Variants in ARHGAP26 observed in about 807,000 individuals in gnomAD.
ARHGAP26 encodes the protein Rho GTPase activating protein 26.
ARHGAP26 carries 38 observed loss-of-function variants against 104.8 expected under a neutral mutation model. That is an observed-to-expected ratio of 0.36 (90% CI 0.28 to 0.48). The LOEUF is 0.48. Ranked by LOEUF, ARHGAP26 falls within the 20% of genes least tolerant of loss-of-function variation. The pLI is 0.99. For synonymous variants in ARHGAP26, 341 were observed against 340.0 expected, an observed-to-expected ratio of 1.00 and a Z score of -0.03; for missense variants, 704 against 947.9, an observed-to-expected ratio of 0.74 and a Z score of 3.38.
chr5:143,085,014 C>A (rs59962768), intron 17 of ARHGAP26, among the ~76,000 whole-genome samples: 3 of 142,692 alleles, frequency 2.1e-5, no homozygotes, highest in African/African-American at 7.9e-5. Flanking sequence ...CACTGCACTC[C>A]AGCCTGGGCA....
chr5:142,997,165 C>T (rs1276124147), intron 11 of ARHGAP26, among the ~76,000 whole-genome samples: 1 of 151,854 alleles, frequency 6.6e-6, no homozygotes, highest in East Asian at 1.9e-4. Flanking sequence ...TATATATATA[C>T]ACACACGTAT....
At chr5:143,191,773 A>C (rs1385567854) in intron 20 of ARHGAP26, among the ~76,000 whole-genome samples, 1 of 152,210 alleles carries the variant, frequency 6.6e-6, no homozygotes, top group Non-Finnish European at 1.5e-5. Context: ...ACAGGCATTC[A>C]TCCAAGTTTA....
intron 5 of ARHGAP26, among the ~76,000 whole-genome samples, chr5:142,888,269 A>G (rs1244499348): frequency 6.6e-6 from 1 of 152,102 alleles, no homozygotes; most frequent in Non-Finnish European, 1.5e-5. Flanking sequence ...CCCTTCACCC[A>G]GTTTGCTTTT....
At chr5:142,908,729 G>T in intron 9 of ARHGAP26, 1 of 166,960 alleles carries the variant, frequency 6.0e-6, no homozygotes. Context: ...CTCATTGTAG[G>T]AAAAGCACGT....
chr5:143,022,091 A>G (rs1253332910), intron 12 of ARHGAP26, among the ~76,000 whole-genome samples: 1 of 151,802 alleles, frequency 6.6e-6, no homozygotes, highest in Non-Finnish European at 1.5e-5. Flanking sequence ...TATTTCATTT[A>G]TTTTTTTGAG....
At chr5:142,880,031 T>C (rs531256187) in intron 4 of ARHGAP26, among the ~76,000 whole-genome samples, 2 of 152,308 alleles carry the variant, frequency 1.3e-5, no homozygotes, top group South Asian at 4.1e-4. Flanking sequence ...TTTTAAAATA[T>C]ATATTACCCA....
At chr5:142,922,744 A>T (rs1206780291) in intron 10 of ARHGAP26, among the ~76,000 whole-genome samples, 2 of 152,170 alleles carry the variant, frequency 1.3e-5, no homozygotes, top group Non-Finnish European at 2.9e-5. Flanking sequence ...TGGCAGTCCT[A>T]CTTTTCCCTC....
intron 17 of ARHGAP26, among the ~76,000 whole-genome samples, chr5:143,115,937 C>T (rs1262912197): frequency 6.6e-6 from 1 of 152,132 alleles, no homozygotes; most frequent in Non-Finnish European, 1.5e-5. Flanking sequence ...AGCAGTATTT[C>T]TCAAATAGTA....
chr5:142,864,119 C>T (rs1395773526), intron 1 of ARHGAP26, among the ~76,000 whole-genome samples: 2 of 152,136 alleles, frequency 1.3e-5, no homozygotes, highest in African/African-American at 4.8e-5. Context: ...TTCACCACCC[C>T]CTCCCCTTTC....
rs191500124 is a variant in ARHGAP26, at chr5:143,079,762, T to A, written c.1538+22015T>A. On this transcript the variant is annotated intron_variant, in intron 17 of 22. Coordinates refer to ENST00000645722, the MANE Select transcript of ARHGAP26 (RefSeq NM_001135608.3). ...CCCTATAGCCTTAGCATGGTAACATTGGTGGAAATTGATCCAGTGGTGCAG... is the reference window on the plus strand; with the variant it reads ...CCCTATAGCCTTAGCATGGTAACATAGGTGGAAATTGATCCAGTGGTGCAG... Among the ~76,000 whole-genome samples the A allele has an allele frequency of 9.3e-3, 1,411 of 152,276 alleles. 19 individuals carry two copies. The highest frequency in any genetic ancestry group is 0.013 in the Non-Finnish European group (891 of 68,010).
At chr5:142,854,918 A>C (rs1329851901) in intron 1 of ARHGAP26, among the ~76,000 whole-genome samples, 1 of 151,982 alleles carries the variant, frequency 6.6e-6, no homozygotes, top group African/African-American at 2.4e-5. Flanking sequence ...CTTTAACTGG[A>C]TGTGCTGTTC....
intron 6 of ARHGAP26, among the ~76,000 whole-genome samples, chr5:142,898,944 G>A (rs1009080620): frequency 6.6e-6 from 1 of 152,230 alleles, no homozygotes; most frequent in African/African-American, 2.4e-5. Context: ...AAGCCTAGAA[G>A]TCTGAAGTCA....
intron 18 of ARHGAP26, 54 bp downstream of exon 18, chr5:143,121,201 T>C (rs1796089751): frequency 1.3e-6 from 2 of 1,568,168 alleles, no homozygotes; most frequent in East Asian, 4.5e-5. Context: ...GGAAGCTGCA[T>C]TGGAATTGAC....
At chr5:143,066,363 C>T (rs1423226629) in intron 17 of ARHGAP26, among the ~76,000 whole-genome samples, 3 of 152,178 alleles carry the variant, frequency 2.0e-5, no homozygotes, top group African/African-American at 2.4e-5. Flanking sequence ...CATTGTTAAG[C>T]GATGCGTGAC....
intron 20 of ARHGAP26, among the ~76,000 whole-genome samples, chr5:143,153,245 G>A (rs894942687): frequency 6.6e-6 from 1 of 152,150 alleles, no homozygotes; most frequent in Non-Finnish European, 1.5e-5. Flanking sequence ...CTCAAATATT[G>A]GAATGGAAAG....
At chr5:142,779,221 A>G (rs1756986780) in intron 1 of ARHGAP26, among the ~76,000 whole-genome samples, 1 of 152,182 alleles carries the variant, frequency 6.6e-6, no homozygotes, top group Admixed American at 6.5e-5. Flanking sequence ...ACTGGGGTTT[A>G]CACATTTTTG....
Position 143,014,086 on chromosome 5 carries a change from A to G in ARHGAP26, c.1114A>G (p.Asn372Asp). The G allele has an allele frequency of 6.2e-7, 1 of 1,614,206 alleles. No homozygotes were observed. Among genetic ancestry groups the G allele is most frequent in the Non-Finnish European group, 8.5e-7 (1 of 1,180,022 alleles). The part of the protein sequence containing the change: ...EAMDGREPVY[N>D]SNKDSQSEGT... ...TTTTATTTTTATTTTCCAGGTCTAC[A>G]ACTCGAACAAAGACAGCCAGAGTGA... The change falls in exon 12 of 23, where the codon AAC becomes GAC. Residue 372 changes from asparagine (N) to aspartate (D), a missense_variant. By Grantham distance (23) the Asn-to-Asp change is conservative. Around this residue, in one of 6 missense-constraint regions of ARHGAP26, gnomAD observed 287 missense variants for 438.8 expected, o/e 0.65. Transcript: ENST00000645722.
intron 1 of ARHGAP26, among the ~76,000 whole-genome samples, chr5:142,804,799 AT>A (rs200767347): frequency 1.9e-4 from 29 of 149,164 alleles, no homozygotes; most frequent in African/African-American, 2.9e-4. Context: ...GGCTGAACAG[AT>A]TTTTTTTTTT....
intron 12 of ARHGAP26, among the ~76,000 whole-genome samples, chr5:143,015,269 G>A (rs1299655486): frequency 6.6e-6 from 1 of 152,168 alleles, no homozygotes; most frequent in African/African-American, 2.4e-5. Flanking sequence ...AACACTTGAA[G>A]TCAACTCTGA....
Sources: allele counts gnomAD v4.1 joint callset (sites outside exome capture counted in the v4.1 genomes callset), GRCh38; gene constraint gnomAD v4.1.1; regional missense constraint gnomAD v4.1.1; transcripts MANE v1.5; gene names NCBI Gene and HGNC (gene_info 2026-07-23, HGNC 2026-07-21).